CDH2: variants seen among roughly 807,000 people sequenced by gnomAD.
CDH2 encodes cadherin-2.
A neutral mutation model predicts 92.0 loss-of-function variants in CDH2; 17 were observed. The ratio of observed to expected loss-of-function variants is 0.18; its 90% CI spans 0.13 to 0.28. The LOEUF is 0.28. CDH2 is among the 10% of genes least tolerant of loss of function. The pLI is 1.00. For synonymous variants in CDH2, 419 were observed against 415.9 expected (o/e 1.01, Z -0.09); for missense variants, 862 against 1,133.1 (o/e 0.76, Z 3.44).
At chr18:27,952,498 C>T (rs1656080008) in intron 15 of CDH2, 139 bp from the exon 16 acceptor site, 1 of 672,604 alleles carries the variant, frequency 1.5e-6, no homozygotes, top group Non-Finnish European at 2.6e-6. Flanking sequence ...ATTTTCAACA[C>T]ATGGAAAAGG....
chr18:28,079,463 C>T (rs2014785656), intron 2 of CDH2, among the ~76,000 whole-genome samples: 1 of 152,172 alleles, frequency 6.6e-6, no homozygotes, highest in South Asian at 2.1e-4. Context: ...ATTTGTTATT[C>T]TATAGCTAAG....
intron 2 of CDH2, chr18:28,097,109 T>C (rs2015147567): frequency 6.6e-6 from 1 of 152,190 alleles, no homozygotes; most frequent in Admixed American, 6.5e-5. Flanking sequence ...TGAGGCATTA[T>C]CAGGGTCTCC....
At chr18:28,098,534 T>A (rs912818164) in intron 2 of CDH2, among the ~76,000 whole-genome samples, 1 of 152,062 alleles carries the variant, frequency 6.6e-6, no homozygotes, top group African/African-American at 2.4e-5. Flanking sequence ...ATTGACCACA[T>A]GGCCGATAGC....
intron 14 of CDH2, among the ~76,000 whole-genome samples, chr18:27,980,965 G>A (rs2012031479): frequency 6.6e-6 from 1 of 152,128 alleles, no homozygotes; most frequent in Non-Finnish European, 1.5e-5. Context: ...AATAAAATAA[G>A]TCTTTCCTAA....
chr18:28,012,666 A>C (rs1044874817), intron 3 of CDH2, among the ~76,000 whole-genome samples: 2 of 152,186 alleles, frequency 1.3e-5, no homozygotes, highest in African/African-American at 4.8e-5. Flanking sequence ...GCAAATCAAC[A>C]ACAAAAGCAT....
chr18:28,031,995 A>G (rs1436180063), intron 2 of CDH2, among the ~76,000 whole-genome samples: 1 of 152,118 alleles, frequency 6.6e-6, no homozygotes, highest in African/African-American at 2.4e-5. Context: ...GGGGTGTAGT[A>G]TAGTACTCTC....
chr18:28,149,593 T>C (rs1209399542), intron 1 of CDH2, among the ~76,000 whole-genome samples: 4 of 152,202 alleles, frequency 2.6e-5, no homozygotes, highest in Admixed American at 1.3e-4. Flanking sequence ...ATTCCGCTTA[T>C]ATAAAATTTA....
rs575266536 is a variant in CDH2, at chr18:28,162,356, C to A, written c.61-14572G>T. 8.5e-5 allele frequency among the ~76,000 whole-genome samples: 13 copies of A among 152,292 alleles called. No homozygotes were observed. In the South Asian group the frequency reaches 1.2e-3, roughly 15 times the overall value. ...CACAAATGCTTGGAACAGAAAGCCA[C>A]ATGTGCCCTTAGATTGCTGGGTGAG... On this transcript the variant is annotated intron_variant, in intron 1 of 15. Coordinates refer to ENST00000269141, the MANE Select transcript of CDH2 (RefSeq NM_001792.5).
intron 2 of CDH2, among the ~76,000 whole-genome samples, chr18:28,136,566 T>C (rs181833333): frequency 6.6e-6 from 1 of 152,328 alleles, no homozygotes; most frequent in East Asian, 1.9e-4. Flanking sequence ...TGATCAATTG[T>C]TAACATGAAT....
At chr18:27,948,864 G>A (rs538675180), downstream of CDH2, among the ~76,000 whole-genome samples, 86 of 151,974 alleles carry the variant, frequency 5.7e-4, no homozygotes, top group Non-Finnish European at 8.4e-4. Context: ...ATTTGGCAAC[G>A]TCTTACTAAA....
At chr18:27,938,988 G>A (rs1909078474) in intron 6 of CDH2, among the ~76,000 whole-genome samples, 1 of 152,208 alleles carries the variant, frequency 6.6e-6, no homozygotes, top group East Asian at 1.9e-4. Context: ...ATCCCTAGAA[G>A]TTTATACAAA....
chr18:28,037,569 G>A (rs767351256), intron 2 of CDH2, among the ~76,000 whole-genome samples: 2 of 152,124 alleles, frequency 1.3e-5, no homozygotes, highest in Non-Finnish European at 2.9e-5. Context: ...GGGAAGAAGC[G>A]AGTTCCAGTA....
rs189267909 is a variant in CDH2 at position 28,036,597 on chromosome 18, T to A, written c.173-22688A>T. 6.0e-4 allele frequency: 750 copies of A among 1,260,346 alleles called. 1 individual carries two copies. Among genetic ancestry groups the A allele is most frequent in the Non-Finnish European group, 7.7e-4 (668 of 870,480 alleles). 78.1% of individuals were successfully genotyped at this position (1,260,346 alleles called of 1,614,324 possible). On this transcript the variant is annotated intron_variant, in intron 2 of 15. Transcript: ENST00000269141. ...AATTCCTTCTGCTTAGTGAACAAAG[T>A]CATAATAGGTATGTCAGAATGAAAG...
At chr18:28,068,724 TAAG>T (rs1050846176) in intron 2 of CDH2, among the ~76,000 whole-genome samples, 1 of 152,208 alleles carries the variant, frequency 6.6e-6, no homozygotes, top group Non-Finnish European at 1.5e-5. Flanking sequence ...CACTTGGTTT[TAAG>T]AAGGTTGACA....
At chr18:27,939,430 C>T (rs1909087328) in intron 6 of CDH2, among the ~76,000 whole-genome samples, 2 of 152,108 alleles carry the variant, frequency 1.3e-5, no homozygotes, top group South Asian at 4.1e-4. Flanking sequence ...CCAAAACCTC[C>T]TACGTGACCT....
chr18:28,139,951 T>C (rs1349236266), intron 2 of CDH2, among the ~76,000 whole-genome samples: 1 of 151,922 alleles, frequency 6.6e-6, no homozygotes, highest in Non-Finnish European at 1.5e-5. Context: ...CTGATCTTCA[T>C]CTCAACAGAT....
At position 27,993,504 on chromosome 18, in the gene CDH2, A is replaced by G; in HGVS notation, c.1154T>C (p.Met385Thr). Residue 385 changes from methionine (M) to threonine (T), a missense_variant, in exon 8 of 16, where the codon ATG becomes ACG. Around this residue, in one of 5 missense-constraint regions of CDH2, gnomAD observed 564 missense variants for 722.2 expected, o/e 0.78. Coordinates refer to ENST00000269141, the MANE Select transcript of CDH2 (RefSeq NM_001792.5). ...TGAGTGACAGGCTGTACTCACCGTC[A>G]TGGCAGTAAACTCTGGAGGATTGTC... The part of the protein sequence containing the change: ...VNDNPPEFTA[M>T]TFYGEVPENR... The G allele has an allele frequency of 6.2e-7, 1 of 1,613,850 alleles. No homozygotes were observed. Among genetic ancestry groups the G allele is most frequent in the Non-Finnish European group, 8.5e-7 (1 of 1,179,858 alleles).
chr18:28,080,272 A>C (rs2144188545), intron 2 of CDH2, among the ~76,000 whole-genome samples: 1 of 152,294 alleles, frequency 6.6e-6, no homozygotes, highest in African/African-American at 2.4e-5. Context: ...TGATCTGAAA[A>C]CCACGAATAA....
At chr18:28,108,402 A>G (rs1057414951) in intron 2 of CDH2, among the ~76,000 whole-genome samples, 2 of 152,156 alleles carry the variant, frequency 1.3e-5, no homozygotes, top group Non-Finnish European at 2.9e-5. Context: ...AGGACAAACT[A>G]CAAATACTCA....
Sources: allele counts gnomAD v4.1 joint callset (sites outside exome capture counted in the v4.1 genomes callset), GRCh38; gene constraint gnomAD v4.1.1; regional missense constraint gnomAD v4.1.1; transcripts MANE v1.5; gene names NCBI Gene and HGNC (gene_info 2026-07-23, HGNC 2026-07-21).